DPYD: variants seen among roughly 807,000 people sequenced by gnomAD.
DPYD encodes dihydropyrimidine dehydrogenase.
In DPYD, 109 loss-of-function variants were observed where a neutral mutation model predicts 116.2. That is an observed-to-expected ratio of 0.94 (90% CI 0.80 to 1.10). The LOEUF is 1.10. DPYD is among the 50% of genes least tolerant of loss of function. The pLI is 0.00. For synonymous variants in DPYD, 440 were observed against 432.0 expected, an observed-to-expected ratio of 1.02 and a Z score of -0.23; for missense variants, 1,302 against 1,254.5, an observed-to-expected ratio of 1.04 and a Z score of -0.57.
intron 6 of DPYD, among the ~76,000 whole-genome samples, chr1:97,692,725 A>T (rs1363492906): frequency 6.6e-6 from 1 of 152,216 alleles, no homozygotes; most frequent in African/African-American, 2.4e-5. Context: ...AGGGAAGGAT[A>T]CACAAAAGAT....
At chr1:97,090,982 T>C (rs1281101009) in intron 21 of DPYD, among the ~76,000 whole-genome samples, 1 of 152,122 alleles carries the variant, frequency 6.6e-6, no homozygotes, top group Non-Finnish European at 1.5e-5. Context: ...GACCATTAAG[T>C]CATTAAGGCA....
At chr1:97,761,128 G>A (rs1665550462) in intron 3 of DPYD, among the ~76,000 whole-genome samples, 1 of 152,014 alleles carries the variant, frequency 6.6e-6, no homozygotes, top group African/African-American at 2.4e-5. Context: ...TCTACATCAG[G>A]TGGCTTAAAG....
chr1:97,705,592 A>G (rs1210700186), intron 5 of DPYD, among the ~76,000 whole-genome samples: 1 of 151,910 alleles, frequency 6.6e-6, no homozygotes, highest in African/African-American at 2.4e-5. Flanking sequence ...CGCAATAAAC[A>G]TACGTGTGCA....
At chr1:97,699,287 T>C (rs374551885) in intron 6 of DPYD, 64 bp downstream of exon 6, 1 of 1,477,388 alleles carries the variant, frequency 6.8e-7, no homozygotes, top group Non-Finnish European at 9.5e-7. Context: ...GAACCAACAA[T>C]ATTCATAATT....
chr1:97,529,596 CAT>C (rs1649415819), intron 12 of DPYD, among the ~76,000 whole-genome samples: 1 of 152,144 alleles, frequency 6.6e-6, no homozygotes, highest in Non-Finnish European at 1.5e-5. Flanking sequence ...ACGTCACAAA[CAT>C]ATCCATCACG....
chr1:97,193,794 CA>C (rs11300172), intron 19 of DPYD, among the ~76,000 whole-genome samples: 108,641 of 151,770 alleles, frequency 0.72, 40,116 homozygotes, highest in East Asian at 0.99. Flanking sequence ...CTTTCTTCCT[CA>C]AAAAAAATGC....
chr1:97,134,837 C>T (rs558866156), intron 20 of DPYD, among the ~76,000 whole-genome samples: 1 of 152,248 alleles, frequency 6.6e-6, no homozygotes, highest in Admixed American at 6.5e-5. Flanking sequence ...TTGCCTTTGA[C>T]ACTTAACCTC....
intron 3 of DPYD, among the ~76,000 whole-genome samples, chr1:97,741,545 C>A (rs1238607627): frequency 6.6e-6 from 1 of 152,158 alleles, no homozygotes; most frequent in East Asian, 1.9e-4. Flanking sequence ...TATAATTATT[C>A]ATTCAGGACA....
At chr1:97,659,437 T>A (rs1372316321) in intron 8 of DPYD, among the ~76,000 whole-genome samples, 7 of 152,150 alleles carry the variant, frequency 4.6e-5, no homozygotes, top group Non-Finnish European at 8.8e-5. Context: ...GCTCAACATA[T>A]TCAGTGATGG....
In DPYD at chr1:97,632,469, A is replaced by G. The variant is rs577411265; in HGVS notation, c.851-37303T>C. 3.3e-5 allele frequency among the ~76,000 whole-genome samples: 5 copies of G among 152,276 alleles called. No individual in the cohort carries two copies. The South Asian group carries it at 1.0e-3, about 32-fold the overall frequency. On this transcript the variant is annotated intron_variant, in intron 8 of 22. Transcript: ENST00000370192. Reference sequence around the variant, plus strand: ...ATTAGTCATACTACTACTGATATACAAATGTACTTCTAAACTTGCTGAAAC... The same window carrying G: ...ATTAGTCATACTACTACTGATATACGAATGTACTTCTAAACTTGCTGAAAC...
chr1:97,590,155 AC>A (rs1654405197), intron 10 of DPYD, among the ~76,000 whole-genome samples: 2 of 152,194 alleles, frequency 1.3e-5, no homozygotes, highest in Non-Finnish European at 2.9e-5. Context: ...TAAAGGATTA[AC>A]ACTGAAACTT....
intron 18 of DPYD, among the ~76,000 whole-genome samples, chr1:97,256,741 C>T (rs752255725): frequency 2.6e-5 from 4 of 152,052 alleles, no homozygotes; most frequent in Non-Finnish European, 5.9e-5. Context: ...TCCTTTATCT[C>T]CCATCTTTAC....
chr1:97,437,248 C>T (rs1348749184), intron 14 of DPYD, among the ~76,000 whole-genome samples: 2 of 151,116 alleles, frequency 1.3e-5, no homozygotes, highest in Non-Finnish European at 3.0e-5. Flanking sequence ...CAGATCAGTT[C>T]ACATTTTCTA....
At chr1:97,099,579 C>T (rs964318941) in intron 20 of DPYD, among the ~76,000 whole-genome samples, 5 of 152,030 alleles carry the variant, frequency 3.3e-5, no homozygotes, top group African/African-American at 9.7e-5. Flanking sequence ...TGTTTTGTGT[C>T]GGCCTGTAAC....
intron 14 of DPYD, among the ~76,000 whole-genome samples, chr1:97,406,051 C>T (rs1673638464): frequency 6.6e-6 from 1 of 152,062 alleles, no homozygotes; most frequent in Non-Finnish European, 1.5e-5. Flanking sequence ...TTTTAACTCT[C>T]AGACTTGTCT....
At chr1:97,404,955 T>C (rs1673573129) in intron 14 of DPYD, among the ~76,000 whole-genome samples, 1 of 151,764 alleles carries the variant, frequency 6.6e-6, no homozygotes, top group African/African-American at 2.4e-5. Flanking sequence ...TGTACTTTTT[T>C]TTTTTTTTTA....
At chr1:97,639,214 A>C (rs1281619704) in intron 8 of DPYD, among the ~76,000 whole-genome samples, 1 of 152,150 alleles carries the variant, frequency 6.6e-6, no homozygotes, top group Non-Finnish European at 1.5e-5. Context: ...AAATAAGACT[A>C]TTCTCAGGAT....
At chr1:97,096,010 T>G (rs1650221005) in intron 21 of DPYD, 1 of 152,172 alleles carries the variant, frequency 6.6e-6, no homozygotes, top group South Asian at 2.1e-4. Context: ...TACAATGTCT[T>G]GAGGCTTATG....
intron 20 of DPYD, among the ~76,000 whole-genome samples, chr1:97,187,539 C>T (rs566573542): frequency 6.6e-5 from 10 of 152,126 alleles, no homozygotes; most frequent in Admixed American, 3.9e-4. Context: ...TCTGTTATCT[C>T]GATTATTTCA....
Sources: allele counts gnomAD v4.1 joint callset (sites outside exome capture counted in the v4.1 genomes callset), GRCh38; gene constraint gnomAD v4.1.1; transcripts MANE v1.5; gene names NCBI Gene and HGNC (gene_info 2026-07-23, HGNC 2026-07-21).